Variants in CDH12 observed in about 807,000 individuals in gnomAD.
CDH12 encodes the protein cadherin-12.
In CDH12, 41 loss-of-function variants were observed where a neutral mutation model predicts 74.1. The ratio of observed to expected loss-of-function variants is 0.55; its 90% CI spans 0.43 to 0.72. The LOEUF (loss-of-function observed/expected upper bound fraction) is 0.72. Ranked by LOEUF, CDH12 falls within the 30% of genes least tolerant of loss-of-function variation. The probability of loss-of-function intolerance (pLI) is 0.00; values close to 1 mark genes in which losing one functional copy is unlikely to be tolerated. For synonymous variants in CDH12, 399 were observed against 355.0 expected (o/e 1.12, Z -1.39); for missense variants, 945 against 977.2 (o/e 0.97, Z 0.44).
At chr5:22,491,610 C>CAAAAAAAAAAA (rs11446320) in intron 2 of CDH12, among the ~76,000 whole-genome samples, 1 of 120,872 alleles carries the variant, frequency 8.3e-6, no homozygotes, top group Non-Finnish European at 1.7e-5. Flanking sequence ...AGCTAATGAG[C>CAAAAAAAAAAA]AAAAAAAAAA....
At chr5:22,186,558 C>T (rs1266255112) in intron 4 of CDH12, among the ~76,000 whole-genome samples, 1 of 152,148 alleles carries the variant, frequency 6.6e-6, no homozygotes, top group Non-Finnish European at 1.5e-5. Flanking sequence ...GCAACCTCTG[C>T]CTTCCGGGTT....
intron 1 of CDH12, among the ~76,000 whole-genome samples, chr5:22,594,595 A>T (rs1374958184): frequency 1.3e-5 from 2 of 151,924 alleles, no homozygotes; most frequent in African/African-American, 4.8e-5. Flanking sequence ...TTCCTGACAT[A>T]GAGTATAAGC....
At chr5:22,229,393 T>C (rs1580426883) in intron 3 of CDH12, among the ~76,000 whole-genome samples, 1 of 141,608 alleles carries the variant, frequency 7.1e-6, no homozygotes, top group Admixed American at 7.2e-5. Flanking sequence ...AAGAATAACA[T>C]AGGATTTGGG....
chr5:22,141,022 GACA>G (rs1398514929), intron 4 of CDH12: 6 of 152,124 alleles, frequency 3.9e-5, no homozygotes, highest in Admixed American at 3.9e-4. Context: ...CCTCCTAGTG[GACA>G]ACAAGGCACT....
intron 1 of CDH12, among the ~76,000 whole-genome samples, chr5:22,650,220 A>C (rs1486528200): frequency 6.6e-6 from 1 of 152,044 alleles, no homozygotes; most frequent in African/African-American, 2.4e-5. Context: ...GAGAGTGGAC[A>C]GAGAGGCAAA....
chr5:21,791,759 G>A (rs1746512213), intron 10 of CDH12, among the ~76,000 whole-genome samples: 1 of 151,628 alleles, frequency 6.6e-6, no homozygotes, highest in South Asian at 2.1e-4. Context: ...GGCCATTTGA[G>A]AGAGTATGGT....
chr5:22,246,085 T>C (rs1302357231), intron 3 of CDH12, among the ~76,000 whole-genome samples: 1 of 152,018 alleles, frequency 6.6e-6, no homozygotes, highest in African/African-American at 2.4e-5. Flanking sequence ...ACACTAACCA[T>C]TTAGATTACT....
chr5:22,737,637 A>T (rs1477682110), intron 1 of CDH12, among the ~76,000 whole-genome samples: 1 of 152,058 alleles, frequency 6.6e-6, no homozygotes, highest in Non-Finnish European at 1.5e-5. Flanking sequence ...TCTCTACCTT[A>T]AAAAACATCT....
At chr5:21,828,036 C>A (rs969904864) in intron 8 of CDH12, among the ~76,000 whole-genome samples, 6 of 151,778 alleles carry the variant, frequency 4.0e-5, no homozygotes, top group African/African-American at 1.5e-4. Context: ...AATAACTTTA[C>A]AAAAATATGC....
chr5:22,361,302 C>A (rs1309233110), intron 3 of CDH12, among the ~76,000 whole-genome samples: 2 of 151,982 alleles, frequency 1.3e-5, no homozygotes, highest in Non-Finnish European at 2.9e-5. Flanking sequence ...AAACAGAGAG[C>A]CAAATCATGA....
intron 9 of CDH12, among the ~76,000 whole-genome samples, chr5:21,812,882 A>G (rs1316266876): frequency 6.6e-6 from 1 of 152,152 alleles, no homozygotes; most frequent in Non-Finnish European, 1.5e-5. Context: ...GTGGATCCAT[A>G]TTTAGAGATG....
chr5:22,523,752 C>A (rs935565767), intron 1 of CDH12, among the ~76,000 whole-genome samples: 1 of 152,034 alleles, frequency 6.6e-6, no homozygotes, highest in African/African-American at 2.4e-5. Flanking sequence ...ATTGTTAACG[C>A]CTTCCCAGAC....
chr5:22,478,433 A>AAG (rs1554043810), intron 2 of CDH12, among the ~76,000 whole-genome samples: 3 of 151,460 alleles, frequency 2.0e-5, no homozygotes, highest in Non-Finnish European at 4.4e-5. Context: ...AAAAAAAAAA[A>AAG]AAAAGAAAGA....
At chr5:22,798,627 A>C (rs764496541) in intron 1 of CDH12, among the ~76,000 whole-genome samples, 20 of 152,196 alleles carry the variant, frequency 1.3e-4, no homozygotes, top group Non-Finnish European at 2.1e-4. Context: ...AACAAAATGA[A>C]CTCAAAAGCA....
chr5:22,395,890 A>C (rs553787656), intron 3 of CDH12, among the ~76,000 whole-genome samples: 1 of 151,458 alleles, frequency 6.6e-6, no homozygotes, highest in South Asian at 2.1e-4. Flanking sequence ...AAAAATAAGA[A>C]GAAAGAGTCA....
intron 3 of CDH12, among the ~76,000 whole-genome samples, chr5:22,299,515 T>A (rs982109443): frequency 1.3e-5 from 2 of 152,194 alleles, no homozygotes; most frequent in South Asian, 4.1e-4. Context: ...CATGGTGTAG[T>A]GCAAAGAATT....
At chr5:22,419,999 T>G (rs112399066) in intron 2 of CDH12, among the ~76,000 whole-genome samples, 3,806 of 152,154 alleles carry the variant, frequency 0.025, 61 homozygotes, top group Middle Eastern at 0.038. Context: ...TGGGGTTTTT[T>G]TTTGTTTGTT....
intron 1 of CDH12, among the ~76,000 whole-genome samples, chr5:22,657,719 T>C (rs59879564): frequency 0.022 from 3,370 of 152,248 alleles, 124 homozygotes; most frequent in African/African-American, 0.076. Context: ...TCCCAAAGTA[T>C]AAACTCACGT....
chr5:21,979,048 C>A (rs1419786359), intron 5 of CDH12, among the ~76,000 whole-genome samples: 1 of 151,990 alleles, frequency 6.6e-6, no homozygotes, highest in Non-Finnish European at 1.5e-5. Context: ...GGGTCATGTT[C>A]ACTGTAAAAA....
Sources: allele counts gnomAD v4.1 joint callset (sites outside exome capture counted in the v4.1 genomes callset), GRCh38; gene constraint gnomAD v4.1.1; transcripts MANE v1.5; gene names NCBI Gene and HGNC (gene_info 2026-07-23, HGNC 2026-07-21).